The following CDC42BPB variants were observed in gnomAD, a reference collection of about 807,000 sequenced individuals.
CDC42BPB encodes the protein CDC42 binding protein kinase beta.
A neutral mutation model predicts 214.9 loss-of-function variants in CDC42BPB; 37 were observed. The observed-to-expected ratio is 0.17, with a 90% CI of 0.13 to 0.23. The LOEUF (loss-of-function observed/expected upper bound fraction) is 0.23, where lower values mean the gene tolerates loss of function less well. Among genes scored for constraint, CDC42BPB ranks in the 10% least tolerant of loss-of-function variants. The pLI, the probability that CDC42BPB is intolerant of heterozygous loss-of-function variation, is 1.00. For missense variants in CDC42BPB, 1,694 were observed against 2,227.0 expected, an observed-to-expected ratio of 0.76 and a Z score of 4.82; for synonymous variants, 931 against 884.0, an observed-to-expected ratio of 1.05 and a Z score of -0.94.
At chr14:102,962,244 C>T (rs1483117271) in intron 20 of CDC42BPB, among the ~76,000 whole-genome samples, 2 of 152,236 alleles carry the variant, frequency 1.3e-5, no homozygotes, top group Non-Finnish European at 2.9e-5. Flanking sequence ...GCCTGTCCGT[C>T]AGCATGCAGC....
intron 18 of CDC42BPB, 114 bp from the exon 19 acceptor site, chr14:102,964,764 T>C (rs1041621411): frequency 6.3e-5 from 86 of 1,369,466 alleles, no homozygotes; most frequent in Middle Eastern, 4.2e-4. Context: ...CTCATTTAGA[T>C]ATTAACTCTA....
Position 103,057,153 on chromosome 14 carries a change from G to C in CDC42BPB, c.21C>G (p.Leu7=). 9 of 1,486,830 alleles carry C rather than the reference G, an allele frequency of 6.1e-6. No homozygotes were observed. Among genetic ancestry groups the C allele is most frequent in the Non-Finnish European group, 8.0e-6 (9 of 1,123,290 alleles). 92.1% of individuals were successfully genotyped at this position (1,486,830 alleles called of 1,614,324 possible). A position where few individuals can be genotyped will look rare whatever the true frequency, so the allele number is the denominator to read the frequency against. The change falls in exon 1 of 37, where the codon CTC becomes CTG. Residue 7 remains leucine (L), a synonymous_variant. Coordinates refer to ENST00000361246, the MANE Select transcript of CDC42BPB (RefSeq NM_006035.4). MSAKVR[L]KKLEQLLLDG... ...CCAGGAGCAGCTGCTCCAGCTTCTT[G>C]AGCCGCACCTTGGCCGACATGGTGC...
chr14:103,016,758 G>A (rs1304346624), intron 1 of CDC42BPB, among the ~76,000 whole-genome samples: 2 of 152,280 alleles, frequency 1.3e-5, no homozygotes. Flanking sequence ...TAGACAGACA[G>A]ATACAGGGAT....
intron 1 of CDC42BPB, among the ~76,000 whole-genome samples, chr14:103,025,679 G>C (rs778888076): frequency 6.6e-6 from 1 of 151,836 alleles, no homozygotes; most frequent in Non-Finnish European, 1.5e-5. Context: ...TTAGCCAGGC[G>C]TGGTGGCACA....
rs1313733252 is a variant in CDC42BPB at position 102,986,502 on chromosome 14, C to G, written c.675G>C (p.Met225Ile). The change falls in exon 6 of 37, where the codon ATG becomes ATC. Residue 225 changes from methionine (M) to isoleucine (I), a missense_variant. Physicochemically the swap from Met to Ile is conservative, Grantham distance 10 (BLOSUM62 1). Around this residue, in one of 7 missense-constraint regions of CDC42BPB, gnomAD observed 225 missense variants for 459.3 expected, o/e 0.49. Transcript: ENST00000361246. ...AAATACCTACAGTGCCATCATCATT[C>G]ATCTTCAAACATGATCCAAAGTCAG... ...RLADFGSCLKMNDDGTVQSSV... is the reference protein window; with the variant it reads ...RLADFGSCLKINDDGTVQSSV... 1 of 1,613,536 alleles carries G rather than the reference C, an allele frequency of 6.2e-7. No individual in the cohort carries two copies. The highest frequency in any genetic ancestry group is 8.5e-7 in the Non-Finnish European group (1 of 1,179,574).
intron 36 of CDC42BPB, among the ~76,000 whole-genome samples, chr14:102,934,819 AACAC>A (rs1891569835): frequency 6.6e-6 from 1 of 151,848 alleles, no homozygotes; most frequent in Non-Finnish European, 1.5e-5. Context: ...AGACCATCCT[AACAC>A]AGTGAAACCC....
chr14:103,018,306 G>C (rs1296839603), intron 1 of CDC42BPB, among the ~76,000 whole-genome samples: 1 of 152,150 alleles, frequency 6.6e-6, no homozygotes, highest in African/African-American at 2.4e-5. Context: ...CAAACAGCTG[G>C]GGGAGGAGAG....
At chr14:103,012,452 A>G (rs1303502619) in intron 1 of CDC42BPB, 1 of 160,644 alleles carries the variant, frequency 6.2e-6, no homozygotes, top group Non-Finnish European at 1.3e-5. Context: ...CCACATACAG[A>G]ACAGTGATCC....
chr14:102,988,076 A>G (rs1894330724), intron 5 of CDC42BPB, among the ~76,000 whole-genome samples: 1 of 152,206 alleles, frequency 6.6e-6, no homozygotes, highest in African/African-American at 2.4e-5. Context: ...AATAGAAGAA[A>G]CAGATAAAAT....
chr14:103,015,218 G>A (rs1886391076), intron 1 of CDC42BPB, among the ~76,000 whole-genome samples: 1 of 152,172 alleles, frequency 6.6e-6, no homozygotes, highest in South Asian at 2.1e-4. Flanking sequence ...AAATCAGAGG[G>A]CAAAGGAGAA....
chr14:103,047,225 T>C (rs1443720088), intron 1 of CDC42BPB, among the ~76,000 whole-genome samples: 1 of 145,834 alleles, frequency 6.9e-6, no homozygotes, highest in Non-Finnish European at 1.5e-5. Flanking sequence ...CGGAGGTTCC[T>C]GTGAGCTCAG....
chr14:102,942,311 C>A (rs949504541), intron 30 of CDC42BPB, among the ~76,000 whole-genome samples: 3 of 152,214 alleles, frequency 2.0e-5, no homozygotes. Context: ...TGGCCGTGCA[C>A]CTCACAGGCC....
chr14:102,952,490 A>C lies in CDC42BPB; in HGVS notation c.3172+8T>G, dbSNP rs1220318977. Reference sequence around the variant, plus strand: ...CACGCTGACCCCAGGAGCTGCAACGACACTCACCCTCGCAGGCGTAGCCCT... The same window carrying C: ...CACGCTGACCCCAGGAGCTGCAACGCCACTCACCCTCGCAGGCGTAGCCCT... On this transcript the variant is annotated splice_region_variant and intron_variant, in intron 24 of 36. Transcript: ENST00000361246. 6.3e-7 allele frequency: 1 copy of C among 1,591,132 alleles called. No homozygotes were observed. The highest frequency in any genetic ancestry group is 8.6e-7 in the Non-Finnish European group (1 of 1,160,852).
chr14:103,020,807 C>T (rs928760751), intron 1 of CDC42BPB, among the ~76,000 whole-genome samples: 4 of 152,258 alleles, frequency 2.6e-5, no homozygotes, highest in East Asian at 1.9e-4. Context: ...ACGGTTCAGA[C>T]GGCTGACGCA....
intron 23 of CDC42BPB, 62 bp from the exon 24 acceptor site, chr14:102,952,665 T>A: frequency 1.9e-6 from 3 of 1,574,012 alleles, no homozygotes; most frequent in Non-Finnish European, 2.6e-6. Flanking sequence ...CAGATCCATC[T>A]GCCTGTGATC....
At chr14:103,029,013 C>T (rs1467268093) in intron 1 of CDC42BPB, among the ~76,000 whole-genome samples, 1 of 152,132 alleles carries the variant, frequency 6.6e-6, no homozygotes, top group Admixed American at 6.5e-5. Context: ...CTGAGTCCAA[C>T]TGCCAATCTT....
chr14:102,938,279 G>A (rs890992372), intron 35 of CDC42BPB, 27 bp downstream of exon 35: 1 of 1,604,574 alleles, frequency 6.2e-7, no homozygotes, highest in Non-Finnish European at 8.5e-7. Context: ...CTCCCCCAGG[G>A]CTGCGGGGGC....
intron 12 of CDC42BPB, among the ~76,000 whole-genome samples, chr14:102,972,688 CAAAAAAAAAAAA>C (rs56956413): frequency 2.2e-5 from 1 of 44,978 alleles, no homozygotes. Context: ...GACTCTGCCT[CAAAAAAAAAAAA>C]AAAAAAAAAA....
intron 5 of CDC42BPB, among the ~76,000 whole-genome samples, chr14:102,996,676 A>G (rs1894751350): frequency 6.6e-6 from 1 of 150,756 alleles, no homozygotes; most frequent in Non-Finnish European, 1.5e-5. Context: ...GTTGGGTGTG[A>G]TGGTGCATGC....
Sources: allele counts gnomAD v4.1 joint callset (sites outside exome capture counted in the v4.1 genomes callset), GRCh38; gene constraint gnomAD v4.1.1; regional missense constraint gnomAD v4.1.1; transcripts MANE v1.5; gene names NCBI Gene and HGNC (gene_info 2026-07-23, HGNC 2026-07-21).